Variants in MAF observed in about 807,000 individuals in gnomAD.
The protein encoded by MAF is MAF bZIP transcription factor, also known as transcription factor Maf.
MAF carries 10 observed loss-of-function variants against 22.0 expected under a neutral mutation model. The observed-to-expected ratio is 0.45, with a 90% CI of 0.28 to 0.77. The LOEUF is 0.77. Among genes scored for constraint, MAF ranks in the 30% least tolerant of loss-of-function variants. MAF has a pLI of 0.12. For synonymous variants in MAF, 337 were observed against 255.8 expected, an observed-to-expected ratio of 1.32 and a Z score of -3.03; for missense variants, 544 against 548.4, an observed-to-expected ratio of 0.99 and a Z score of 0.08.
chr16:79,598,950 G>A lies in MAF; in HGVS notation c.953C>T (p.Ser318Leu), dbSNP rs749986121. The A allele has an allele frequency of 3.1e-6, 5 of 1,613,604 alleles. No individual in the cohort carries two copies. Among genetic ancestry groups the A allele is most frequent in the African/African-American group, 1.3e-5 (1 of 74,818 alleles). Residue 318 changes from serine (S) to leucine (L), a missense_variant, in exon 1 of 2, where the codon TCG (serine) becomes TTG (leucine). Physicochemically the swap from Ser to Leu is moderately radical, Grantham distance 145 (BLOSUM62 -2). Coordinates refer to ENST00000326043, the MANE Select transcript of MAF (RefSeq NM_005360.5). ...KRVQQRHVLE[S>L]EKNQLLQQVD... is the part of the protein sequence containing the mutation. The stretch of plus-strand genomic sequence containing the variant: ...TTGCTGCAGCAGCTGGTTCTTCTCC[G>A]ACTCCAGGACGTGTCTCTGCTGCAC...
At chr16:79,261,223 G>A in the MAF span, among the ~76,000 whole-genome samples, 1 of 152,152 alleles carries the variant, frequency 6.6e-6, no homozygotes. Flanking sequence ...CATGATCTCA[G>A]TTCACTGCAA....
chr16:79,462,443 GCT>G, the MAF span, among the ~76,000 whole-genome samples: 6 of 152,056 alleles, frequency 3.9e-5, no homozygotes, highest in African/African-American at 1.5e-4. Flanking sequence ...GCTCCCCATT[GCT>G]CTGAGTTTAA....
rs544122817 is a variant in MAF at position 79,585,856 on chromosome 16, T to C, written c.*52A>G. The C allele has an allele frequency of 1.4e-5, 9 of 621,914 alleles. No individual in the cohort carries two copies. In the African/African-American group the frequency reaches 1.5e-4, roughly 11 times the overall value. The allele number at this position is 621,914 out of a possible 1,614,324, so 38.5% of individuals were successfully genotyped here. A position where few individuals can be genotyped will look rare whatever the true frequency, so the allele number is the denominator to read the frequency against. Reference sequence around the variant, plus strand: ...AAAAAAAAAAAAAAACTCAAGCACATGCAAATCAAAAATCAAGATGTACCT... The same window carrying C: ...AAAAAAAAAAAAAAACTCAAGCACACGCAAATCAAAAATCAAGATGTACCT... On this transcript the variant is annotated 3_prime_UTR_variant, in exon 2 of 2. Transcript: ENST00000569649.
the MAF span, among the ~76,000 whole-genome samples, chr16:79,241,928 A>C: frequency 6.6e-6 from 1 of 152,068 alleles, no homozygotes; most frequent in Non-Finnish European, 1.5e-5. Context: ...CCAGAATTTC[A>C]TATCCAGCCA....
chr16:79,470,680 A>G, the MAF span, among the ~76,000 whole-genome samples: 1 of 152,210 alleles, frequency 6.6e-6, no homozygotes, highest in South Asian at 2.1e-4. Flanking sequence ...AAAGAGTTTA[A>G]GAATTGGCTT....
At chr16:79,427,974 T>G in the MAF span, among the ~76,000 whole-genome samples, 1,322 of 151,690 alleles carry the variant, frequency 8.7e-3, 17 homozygotes, top group African/African-American at 0.03. Context: ...CCTTGATTGC[T>G]CATAGCTTCC....
chr16:79,296,883 T>G, the MAF span, among the ~76,000 whole-genome samples: 3 of 152,244 alleles, frequency 2.0e-5, no homozygotes, highest in African/African-American at 7.2e-5. Flanking sequence ...GTCGTTCATT[T>G]GCTCTCAATG....
the MAF span, among the ~76,000 whole-genome samples, chr16:79,383,858 C>G: frequency 6.6e-6 from 1 of 152,146 alleles, no homozygotes; most frequent in African/African-American, 2.4e-5. Flanking sequence ...AACTAGTCAT[C>G]AAGATGAAAT....
the MAF span, among the ~76,000 whole-genome samples, chr16:79,502,912 C>G: frequency 1.3e-5 from 2 of 150,934 alleles, no homozygotes; most frequent in Non-Finnish European, 2.9e-5. Context: ...ATTCATCAAA[C>G]AGTACACTAA....
At chr16:79,367,231 C>T in the MAF span, among the ~76,000 whole-genome samples, 1 of 152,162 alleles carries the variant, frequency 6.6e-6, no homozygotes, top group African/African-American at 2.4e-5. Flanking sequence ...TGCTGAACAC[C>T]CACTTCTTTG....
At chr16:79,467,842 G>A in the MAF span, among the ~76,000 whole-genome samples, 1 of 151,990 alleles carries the variant, frequency 6.6e-6, no homozygotes, top group Admixed American at 6.6e-5. Context: ...AAATATGGAG[G>A]GGAGGAAGGG....
the MAF span, among the ~76,000 whole-genome samples, chr16:79,517,539 A>T: frequency 6.7e-6 from 1 of 148,364 alleles, no homozygotes; most frequent in Non-Finnish European, 1.5e-5. Context: ...CTCCTTTCCC[A>T]GAGTGAGGTT....
the MAF span, among the ~76,000 whole-genome samples, chr16:79,331,076 GGTTT>G: frequency 1.3e-5 from 2 of 152,166 alleles, no homozygotes; most frequent in Non-Finnish European, 2.9e-5. Context: ...AAACAAAGTG[GGTTT>G]GTTTGAGGAT....
chr16:79,317,190 C>G, the MAF span, among the ~76,000 whole-genome samples: 3 of 138,568 alleles, frequency 2.2e-5, no homozygotes, highest in African/African-American at 8.1e-5. Flanking sequence ...GCTTTTCTCC[C>G]TCCTTCCTTC....
At chr16:79,313,941 A>T in the MAF span, among the ~76,000 whole-genome samples, 2 of 152,172 alleles carry the variant, frequency 1.3e-5, no homozygotes, top group African/African-American at 4.8e-5. Flanking sequence ...CGTTCACAGG[A>T]TGTCTGCGAT....
the MAF span, among the ~76,000 whole-genome samples, chr16:79,230,386 A>G: frequency 1.3e-5 from 2 of 152,192 alleles, no homozygotes; most frequent in African/African-American, 4.8e-5. Context: ...TCGGAGAGTC[A>G]CCATCCGCCT....
At chr16:79,334,838 AGTGTGTGT>A in the MAF span, among the ~76,000 whole-genome samples, 1 of 147,130 alleles carries the variant, frequency 6.8e-6, no homozygotes, top group African/African-American at 2.5e-5. Flanking sequence ...ACGTCAATAA[AGTGTGTGT>A]GTGTGTGTGT....
the MAF span, among the ~76,000 whole-genome samples, chr16:79,250,554 G>A: frequency 6.6e-6 from 1 of 152,130 alleles, no homozygotes; most frequent in Non-Finnish European, 1.5e-5. Context: ...TCTTTCCCAG[G>A]TAAGAATCAG....
the MAF span, among the ~76,000 whole-genome samples, chr16:79,431,573 G>T: frequency 6.6e-6 from 1 of 152,132 alleles, no homozygotes; most frequent in African/African-American, 2.4e-5. Flanking sequence ...TTCAAAGAAG[G>T]ATTTTATTCA....
Sources: gnomAD v4.1 joint callset for allele counts (sites outside exome capture counted in the v4.1 genomes callset) on GRCh38, gnomAD v4.1.1 for gene constraint, MANE v1.5 for transcripts, NCBI Gene and HGNC (gene_info 2026-07-23, HGNC 2026-07-21) for gene names.